Variants in A2ML1 observed in about 807,000 individuals in gnomAD.
A2ML1 encodes alpha-2-macroglobulin like 1, also known as alpha-2-macroglobulin-like protein 1.
Under a neutral mutation model 181.9 loss-of-function variants are expected in A2ML1, and 161 were observed. That is an observed-to-expected ratio of 0.89 (90% CI 0.78 to 1.01). A2ML1 has a LOEUF of 1.01. Among genes scored for constraint, A2ML1 ranks in the 50% least tolerant of loss-of-function variants. The pLI is 0.00. For synonymous variants in A2ML1, 663 were observed against 666.8 expected, an observed-to-expected ratio of 0.99 and a Z score of 0.09; for missense variants, 1,670 against 1,768.1, an observed-to-expected ratio of 0.94 and a Z score of 1.00.
intron 7 of A2ML1, among the ~76,000 whole-genome samples, chr12:8,883,901 T>G (rs1353717642): frequency 6.6e-6 from 1 of 152,164 alleles, no homozygotes; most frequent in African/African-American, 2.4e-5. Context: ...TTCTCCCGCC[T>G]CAGCCTCCCC....
At chr12:8,840,357 CAAAA>C (rs11296029) in intron 10 of A2ML1, among the ~76,000 whole-genome samples, 3 of 132,860 alleles carry the variant, frequency 2.3e-5, no homozygotes, top group Non-Finnish European at 1.6e-5. Flanking sequence ...GAGACTGTCT[CAAAA>C]AAAAAAAAAA....
In A2ML1 at chr12:8,848,782, G is replaced by A; in HGVS notation, c.1896G>A (p.Gln632=). The A allele has an allele frequency of 6.2e-7, 1 of 1,614,060 alleles. No homozygotes were observed. Among genetic ancestry groups the A allele is most frequent in the Non-Finnish European group, 8.5e-7 (1 of 1,179,988 alleles). The change falls in exon 16 of 36, where the codon CAG becomes CAA. Residue 632 remains glutamine (Q), a synonymous_variant. Coordinates refer to ENST00000299698, the MANE Select transcript of A2ML1 (RefSeq NM_144670.6). ...HYPYQVAEYD[Q]CPVSGPWDFP... ...CCTATCAAGTGGCTGAGTATGATCA[G>A]TGTCCAGTGTCTGGCCCATGGGACT... is the stretch of plus-strand genomic sequence containing the variant.
intron 6 of A2ML1, 57 bp downstream of exon 6, chr12:8,835,723 C>A: frequency 1.9e-6 from 3 of 1,602,394 alleles, no homozygotes; most frequent in Non-Finnish European, 2.6e-6. Context: ...TTAAAATCAG[C>A]AAAGGTGGAG....
At chr12:8,878,298 C>A (rs753928752), downstream of A2ML1, among the ~76,000 whole-genome samples, 1 of 151,904 alleles carries the variant, frequency 6.6e-6, no homozygotes, top group Admixed American at 6.6e-5. The surrounding 1 kb of genome is among the most constrained non-coding windows in gnomAD (Gnocchi z 4.4). Context: ...AGCAAAACTC[C>A]GTATCTAAAT....
rs1363935352 is a variant in A2ML1 at position 8,847,582 on chromosome 12, C to T, written c.1717C>T (p.Pro573Ser). The T allele has an allele frequency of 6.2e-7, 1 of 1,613,258 alleles. No individual in the cohort carries two copies. Among genetic ancestry groups the T allele is most frequent in the Admixed American group, 1.7e-5 (1 of 59,882 alleles). Residue 573 changes from proline to serine, a missense_variant, in exon 15 of 36, where the codon CCA becomes TCA. By Grantham distance (74) the Pro-to-Ser change is moderately conservative (BLOSUM62 -1). Transcript: ENST00000299698. ...SLGFSPSQQL[P>S]GAEVELQLQA... ...TGGCTTCTCCCCCTCCCAGCAGCTTCCAGGAGCAGAAGTGGAGCTGCAGCT... is the reference window on the plus strand; with the variant it reads ...TGGCTTCTCCCCCTCCCAGCAGCTTTCAGGAGCAGAAGTGGAGCTGCAGCT...
In A2ML1 at chr12:8,838,832, G is replaced by T. The variant is rs953194378; in HGVS notation, c.971-281G>T. Among the ~76,000 whole-genome samples the T allele has an allele frequency of 3.3e-5, 5 of 150,962 alleles. No individual in the cohort carries two copies. In the Admixed American group the frequency reaches 3.3e-4, roughly 10 times the overall value. ...GGGGAGGCTGAGGCAGGAGAATGGCGTGAACCCAGGAGGTGGAGCTTGCAG... is the reference window on the plus strand; with the variant it reads ...GGGGAGGCTGAGGCAGGAGAATGGCTTGAACCCAGGAGGTGGAGCTTGCAG... On this transcript the variant is annotated intron_variant, in intron 9 of 35. Coordinates refer to ENST00000299698, the MANE Select transcript of A2ML1 (RefSeq NM_144670.6).
intron 20 of A2ML1, among the ~76,000 whole-genome samples, chr12:8,853,844 G>T (rs1943971213): frequency 6.6e-6 from 1 of 152,146 alleles, no homozygotes; most frequent in African/African-American, 2.4e-5. Flanking sequence ...TTTAACAGAA[G>T]CGAGTCACTC....
chr12:8,860,191 G>A (rs1179060270), intron 26 of A2ML1, among the ~76,000 whole-genome samples: 3 of 151,840 alleles, frequency 2.0e-5, no homozygotes, highest in Admixed American at 6.6e-5. Flanking sequence ...ACGGATCCAC[G>A]TGCCACTACA....
chr12:8,834,021 C>G (rs1472331661), intron 4 of A2ML1, among the ~76,000 whole-genome samples: 1 of 151,880 alleles, frequency 6.6e-6, no homozygotes, highest in African/African-American at 2.4e-5. Context: ...TTTTGAATAC[C>G]TTTGCAGTCT....
chr12:8,854,896 A>ATTC, intron 22 of A2ML1, 65 bp downstream of exon 22: 5 of 1,294,010 alleles, frequency 3.9e-6, no homozygotes, highest in Non-Finnish European at 5.3e-6. Context: ...TTTTCTTTTC[A>ATTC]TTTTTTTTTT....
chr12:8,852,425 C>A lies in A2ML1; in HGVS notation c.2590+89C>A. ...TCAGTCTTTTCCTCTGCCACATCTGCTTTGCTTCCTCCTCCATTTTCCACT... is the reference window on the plus strand; with the variant it reads ...TCAGTCTTTTCCTCTGCCACATCTGATTTGCTTCCTCCTCCATTTTCCACT... On this transcript the variant is annotated intron_variant, in intron 20 of 35. Coordinates refer to ENST00000299698, the MANE Select transcript of A2ML1 (RefSeq NM_144670.6). The surrounding 1 kb of genome is among the most constrained non-coding windows in gnomAD (Gnocchi z 4.2). 1 of 1,554,148 alleles carries A rather than the reference C, an allele frequency of 6.4e-7. No homozygotes were observed. Among genetic ancestry groups the A allele is most frequent in the Non-Finnish European group, 8.8e-7 (1 of 1,142,840 alleles).
chr12:8,835,620 A>G lies in A2ML1; in HGVS notation c.597A>G (p.Ala199=). 5 of 1,614,204 alleles carry G rather than the reference A, an allele frequency of 3.1e-6. No homozygotes were observed. The highest frequency in any genetic ancestry group is 4.2e-6 in the Non-Finnish European group (5 of 1,180,026). Residue 199 remains alanine (A), a synonymous_variant, in exon 6 of 36, where the codon GCA becomes GCG. Transcript: ENST00000299698. The stretch of plus-strand genomic sequence containing the variant: ...CAATGCTGGGCACCTACACTGTGGC[A>G]GTGGCTGAGGGCAAGACCTTTGGTA... ...PEAMLGTYTV[A]VAEGKTFGTF... is the part of the protein sequence containing the mutation.
At chr12:8,877,516 C>T (rs192963844), downstream of A2ML1, among the ~76,000 whole-genome samples, 263 of 152,084 alleles carry the variant, frequency 1.7e-3, 3 homozygotes, top group African/African-American at 6.0e-3. Context: ...CCCATTAAAA[C>T]GTGGGCAAGG....
Position 8,857,349 on chromosome 12 carries a change from G to A in A2ML1, c.3025+9G>A, listed in dbSNP as rs747160789. On this transcript the variant is annotated intron_variant, in intron 24 of 35. Transcript: ENST00000299698. ...GGGTTTCCTGGAAATAGGTAAGTTG[G>A]TTCAGTCTTTCTTTCTTGAACACTC... 3.7e-6 allele frequency: 6 copies of A among 1,613,774 alleles called. No homozygotes were observed. The highest frequency in any genetic ancestry group is 1.1e-5 in the South Asian group (1 of 91,016).
At chr12:8,870,752 A>G (rs1944597229) in intron 33 of A2ML1, among the ~76,000 whole-genome samples, 1 of 152,132 alleles carries the variant, frequency 6.6e-6, no homozygotes, top group Non-Finnish European at 1.5e-5. Context: ...GGGTTGTCCA[A>G]GTCATACCAT....
rs151150272 is a variant in A2ML1 at position 8,839,824 on chromosome 12, C to T, written c.1080+602C>T. On this transcript the variant is annotated intron_variant, in intron 10 of 35. Transcript: ENST00000299698. ...GTGCAATGGCGCGATCTCTGTTCAC[C>T]GCAACCTCCACCTCCCAGGTTCAAG... 5.0e-3 allele frequency among the ~76,000 whole-genome samples: 758 copies of T among 152,172 alleles called. 6 individuals carry two copies. The highest frequency in any genetic ancestry group is 0.019 in the South Asian group (91 of 4,818).
At chr12:8,830,366 G>C (rs1943071577) in intron 4 of A2ML1, among the ~76,000 whole-genome samples, 1 of 151,816 alleles carries the variant, frequency 6.6e-6, no homozygotes, top group Non-Finnish European at 1.5e-5. Flanking sequence ...TTCATTTTAA[G>C]AGTTTTCGCA....
chr12:8,858,416 CT>C, intron 26 of A2ML1: 1 of 215,740 alleles, frequency 4.6e-6, no homozygotes, highest in Non-Finnish European at 9.3e-6. Flanking sequence ...AACCCCATCT[CT>C]ACAAAAAAAA....
intron 33 of A2ML1, among the ~76,000 whole-genome samples, chr12:8,871,395 ACT>A (rs1485510593): frequency 2.0e-5 from 3 of 151,974 alleles, no homozygotes; most frequent in South Asian, 2.1e-4. Flanking sequence ...GTGTTTGATA[ACT>A]CTGCTTATTT....
Sources: gnomAD v4.1 joint callset for allele counts (sites outside exome capture counted in the v4.1 genomes callset) on GRCh38, gnomAD v4.1.1 for gene constraint, Gnocchi (gnomAD v3.1) non-coding constraint, MANE v1.5 for transcripts, NCBI Gene and HGNC (gene_info 2026-07-23, HGNC 2026-07-21) for gene names.